The following CAST variants were observed in gnomAD, a reference collection of about 807,000 sequenced individuals.
CAST encodes calpastatin, also known as MIR583 host.
CAST carries 76 observed loss-of-function variants against 119.6 expected under a neutral mutation model. That is an observed-to-expected ratio of 0.64 (90% CI 0.53 to 0.77). The LOEUF (loss-of-function observed/expected upper bound fraction) is 0.77, where lower values mean the gene tolerates loss of function less well. Ranked by LOEUF, CAST falls within the 30% of genes least tolerant of loss-of-function variation. CAST has a pLI of 0.00. For missense variants in CAST, 953 were observed against 946.5 expected (o/e 1.01, Z -0.09); for synonymous variants, 319 against 331.6 (o/e 0.96, Z 0.41).
At chr5:96,188,848 G>A in the CAST span, among the ~76,000 whole-genome samples, 1 of 152,078 alleles carries the variant, frequency 6.6e-6, no homozygotes, top group Admixed American at 6.5e-5. Context: ...TAAATAGTGT[G>A]TTTATCATCA....
chr5:96,548,944 T>C lies in CAST; in HGVS notation c.60+19064T>C, dbSNP rs1746069533. On this transcript the variant is annotated intron_variant, in intron 1 of 11. Coordinates refer to the CAST transcript ENST00000505143. ...AGGGCAAGGAAGCAAGGACCAGGCC[T>C]GGCAAGCCTGAAGGTGAGCATCACT... is the stretch of plus-strand genomic sequence containing the variant. Among the ~76,000 whole-genome samples, 3 of 152,156 alleles carry C rather than the reference T, an allele frequency of 2.0e-5. No homozygotes were observed. In the South Asian group the frequency reaches 6.2e-4, roughly 32 times the overall value.
intron 1 of CAST, among the ~76,000 whole-genome samples, chr5:96,570,510 G>A (rs867299328): frequency 3.9e-5 from 6 of 152,106 alleles, no homozygotes; most frequent in African/African-American, 1.4e-4. Context: ...GAGAGAGGGA[G>A]TGAGGGAGAA....
At chr5:96,698,704 T>C (rs17086584) in intron 3 of CAST, among the ~76,000 whole-genome samples, 2,275 of 152,316 alleles carry the variant, frequency 0.015, 69 homozygotes, top group African/African-American at 0.052. Context: ...TACACAGTTA[T>C]CATGGCACAC....
chr5:96,721,520 C>T (rs1758260321), intron 3 of CAST, among the ~76,000 whole-genome samples: 1 of 152,074 alleles, frequency 6.6e-6, no homozygotes, highest in Admixed American at 6.5e-5. Flanking sequence ...TGAAGTGGCT[C>T]TGGACCAGGC....
In CAST at chr5:96,737,833, G is replaced by A; in HGVS notation, c.700-16G>A. 3 of 1,390,544 alleles carry A rather than the reference G, an allele frequency of 2.2e-6. No homozygotes were observed. Among genetic ancestry groups the A allele is most frequent in the South Asian group, 2.4e-5 (2 of 83,412 alleles). 86.1% of individuals were successfully genotyped at this position (1,390,544 alleles called of 1,614,324 possible). ...TATAACAAATAACATTTAAATATCT[G>A]TTCTTTCTTTTCCAGTCAGGCATGG... On this transcript the variant is annotated splice_polypyrimidine_tract_variant and intron_variant, in intron 10 of 31. Transcript: ENST00000675179.
intron 24 of CAST, 130 bp downstream of exon 24, chr5:96,757,784 A>G: frequency 1.6e-6 from 1 of 639,146 alleles, no homozygotes; most frequent in Non-Finnish European, 2.7e-6. Context: ...TCCACCTTCC[A>G]GATTCAAGCG....
chr5:96,304,077 G>T, the CAST span, among the ~76,000 whole-genome samples: 1 of 152,160 alleles, frequency 6.6e-6, no homozygotes, highest in Non-Finnish European at 1.5e-5. Flanking sequence ...CAGTGTAAAA[G>T]CGTTCCTATT....
At chr5:96,435,591 G>A in the CAST span, among the ~76,000 whole-genome samples, 132,939 of 152,220 alleles carry the variant, frequency 0.87, 58,269 homozygotes, top group African/African-American at 0.94. Flanking sequence ...GTTATATTTC[G>A]TATTATAAAT....
intron 1 of CAST, among the ~76,000 whole-genome samples, chr5:96,649,066 A>T (rs1748059345): frequency 6.6e-6 from 1 of 152,220 alleles, no homozygotes. Flanking sequence ...TAAAAATGTT[A>T]GCTCAAACCA....
chr5:96,729,777 T>G lies in CAST; in HGVS notation c.549+52T>G, dbSNP rs373097588. On this transcript the variant is annotated intron_variant, in intron 8 of 31. Coordinates refer to ENST00000675179, the MANE Select transcript of CAST (RefSeq NM_001750.7). The stretch of plus-strand genomic sequence containing the variant: ...CCTTAACATCAACTGGATAATAAGA[T>G]ACGGTTCCCCTGTTCACACTGAGGT... 4 of 805,210 alleles carry G rather than the reference T, an allele frequency of 5.0e-6. No homozygotes were observed. In the African/African-American group the frequency reaches 6.7e-5, roughly 13 times the overall value. 49.9% of individuals were successfully genotyped at this position (805,210 alleles called of 1,614,324 possible). A position where few individuals can be genotyped will look rare whatever the true frequency, so the allele number is the denominator to read the frequency against.
the CAST span, among the ~76,000 whole-genome samples, chr5:96,386,948 G>C: frequency 6.6e-6 from 1 of 152,198 alleles, no homozygotes; most frequent in Non-Finnish European, 1.5e-5. Context: ...CTGGGCAACA[G>C]AGCAAAACTC....
the CAST span, among the ~76,000 whole-genome samples, chr5:96,200,216 C>T: frequency 2.0e-5 from 3 of 152,082 alleles, no homozygotes; most frequent in Non-Finnish European, 2.9e-5. Context: ...CTTCTCCTTT[C>T]TCTATTATTA....
chr5:96,361,583 A>T, the CAST span, among the ~76,000 whole-genome samples: 6 of 152,088 alleles, frequency 3.9e-5, no homozygotes, highest in African/African-American at 1.4e-4. Context: ...TGGCTAGGGG[A>T]GGGAGTTCCC....
chr5:96,098,467 A>T, the CAST span, among the ~76,000 whole-genome samples: 2 of 152,172 alleles, frequency 1.3e-5, no homozygotes, highest in Non-Finnish European at 2.9e-5. Context: ...TTTTACATTG[A>T]AGTCTTTAAT....
intron 3 of CAST, among the ~76,000 whole-genome samples, chr5:96,720,134 A>C (rs1757968053): frequency 6.6e-6 from 1 of 152,220 alleles, no homozygotes; most frequent in Admixed American, 6.5e-5. Flanking sequence ...AGTACCTGGC[A>C]CAGAGCATAT....
At chr5:96,526,119 C>G (rs1228777890), upstream of CAST, among the ~76,000 whole-genome samples, 2 of 152,150 alleles carry the variant, frequency 1.3e-5, no homozygotes, top group Admixed American at 6.5e-5. Context: ...TTTCTTCTAC[C>G]CTTCTAGGTT....
the CAST span, among the ~76,000 whole-genome samples, chr5:96,262,348 T>C: frequency 1.3e-5 from 2 of 152,144 alleles, no homozygotes; most frequent in South Asian, 4.1e-4. Flanking sequence ...CTATTCTCAC[T>C]ATAGCTTCCT....
the CAST span, among the ~76,000 whole-genome samples, chr5:96,070,683 A>G: frequency 3.3e-5 from 5 of 150,242 alleles, no homozygotes; most frequent in Admixed American, 6.6e-5. Context: ...TGAATTGAAG[A>G]TATCTGCAGC....
At chr5:96,032,814 G>A in the CAST span, among the ~76,000 whole-genome samples, 1 of 151,934 alleles carries the variant, frequency 6.6e-6, no homozygotes, top group Non-Finnish European at 1.5e-5. Context: ...TAGGACTAGA[G>A]GTCCTAGCCA....
Sources: allele counts gnomAD v4.1 joint callset (sites outside exome capture counted in the v4.1 genomes callset), GRCh38; gene constraint gnomAD v4.1.1; transcripts MANE v1.5; gene names NCBI Gene and HGNC (gene_info 2026-07-23, HGNC 2026-07-21).